The following AP1M2 variants were observed in gnomAD, a reference collection of about 807,000 sequenced individuals.
The protein encoded by AP1M2 is adaptor related protein complex 1 subunit mu 2.
A neutral mutation model predicts 54.6 loss-of-function variants in AP1M2; 41 were observed. The observed-to-expected ratio is 0.75, with a 90% CI of 0.59 to 0.97. The LOEUF (loss-of-function observed/expected upper bound fraction) is 0.97, where lower values mean the gene tolerates loss of function less well. Ranked by LOEUF, AP1M2 falls within the 50% of genes least tolerant of loss-of-function variation. The pLI is 0.00. For synonymous variants in AP1M2, 219 were observed against 215.9 expected (o/e 1.01, Z -0.13); for missense variants, 507 against 561.2 (o/e 0.90, Z 0.98).
At chr19:10,574,545 G>A in intron 10 of AP1M2, 53 bp from the exon 11 acceptor site, 2 of 1,466,892 alleles carry the variant, frequency 1.4e-6, no homozygotes, top group South Asian at 2.5e-5. Context: ...AGGAGGCCAG[G>A]GCCAGGGAGA....
chr19:10,577,422 C>G lies in AP1M2; in HGVS notation c.889-66G>C. ...CTCATCCTTCAAATATTTACCAAGC[C>G]CTTTTTTTTTTTTTTTTTTTTTTTT... On this transcript the variant is annotated intron_variant, in intron 8 of 11. Coordinates refer to ENST00000250244, the MANE Select transcript of AP1M2 (RefSeq NM_005498.5). 6.3e-6 allele frequency: 3 copies of G among 478,926 alleles called. No homozygotes were observed. In the South Asian group the frequency reaches 8.3e-5, roughly 13 times the overall value. The allele number at this position is 478,926 out of a possible 1,614,324, so 29.7% of individuals were successfully genotyped here. A position where few individuals can be genotyped will look rare whatever the true frequency, so the allele number is the denominator to read the frequency against.
In AP1M2 at chr19:10,584,058, G is replaced by T; in HGVS notation, c.55C>A (p.Arg19Ser). ...LDVKGKPLIS[R>S]NYKGDVAMSK... ...ATGGCCACATCGCCCTTGTAGTTGC[G>T]GCTGATCAATGGCTGAGGGTGGAAG... The change falls in exon 2 of 12, where the codon CGC becomes AGC. Residue 19 changes from arginine to serine, a missense_variant. Coordinates refer to ENST00000250244, the MANE Select transcript of AP1M2 (RefSeq NM_005498.5). The T allele has an allele frequency of 6.2e-7, 1 of 1,610,306 alleles. No homozygotes were observed. The highest frequency in any genetic ancestry group is 2.2e-5 in the East Asian group (1 of 44,824).
At chr19:10,586,327 C>T (rs2144774993) in intron 1 of AP1M2, among the ~76,000 whole-genome samples, 1 of 149,232 alleles carries the variant, frequency 6.7e-6, no homozygotes, top group East Asian at 2.0e-4. Flanking sequence ...TGGTGGCATG[C>T]ACCTGTAGTC....
intron 1 of AP1M2, 115 bp from the exon 2 acceptor site, chr19:10,584,185 T>G: frequency 7.5e-7 from 1 of 1,326,440 alleles, no homozygotes; most frequent in Non-Finnish European, 1.0e-6. Context: ...TGGGCAAGGC[T>G]CTGCCTCCTT....
intron 3 of AP1M2, among the ~76,000 whole-genome samples, chr19:10,582,385 A>G (rs1365485309): frequency 1.3e-5 from 2 of 151,874 alleles, no homozygotes; most frequent in Non-Finnish European, 2.9e-5. Context: ...TTTTAATAGG[A>G]GTTCGAGGCT....
Position 10,584,030 on chromosome 19 carries a change from C to T in AP1M2, c.83G>A (p.Ser28Asn), listed in dbSNP as rs1430101571. ...SRNYKGDVAM[S>N]KIEHFMPLLV... Reference sequence around the variant, plus strand: ...CAAAGGCATGAAGTGCTCAATCTTGCTCATGGCCACATCGCCCTTGTAGTT... The same window carrying T: ...CAAAGGCATGAAGTGCTCAATCTTGTTCATGGCCACATCGCCCTTGTAGTT... The change falls in exon 2 of 12, where the codon AGC (serine) becomes AAC (asparagine). Residue 28 changes from serine (S) to asparagine (N), a missense_variant. By Grantham distance (46) the Ser-to-Asn change is conservative. Coordinates refer to ENST00000250244, the MANE Select transcript of AP1M2 (RefSeq NM_005498.5). The T allele has an allele frequency of 1.2e-6, 2 of 1,610,856 alleles. No homozygotes were observed.
intron 10 of AP1M2, 136 bp downstream of exon 10, chr19:10,574,768 G>T: frequency 1.6e-6 from 2 of 1,233,866 alleles, no homozygotes; most frequent in Non-Finnish European, 2.2e-6. Context: ...AGGTAACATT[G>T]CTCTGGGAAA....
At chr19:10,573,210 G>C in intron 11 of AP1M2, 122 bp from the exon 12 acceptor site, 1 of 884,560 alleles carries the variant, frequency 1.1e-6, no homozygotes. Context: ...CTTGAGGTCA[G>C]GGGTTCGAGA....
chr19:10,581,908 A>G lies in AP1M2; in HGVS notation c.268-30T>C, dbSNP rs757752899. 2.6e-5 allele frequency: 41 copies of G among 1,554,180 alleles called. 2 individuals are homozygous for G. The South Asian group carries it at 3.9e-4, about 15-fold the overall frequency. On this transcript the variant is annotated intron_variant, in intron 3 of 11. Coordinates refer to ENST00000250244, the MANE Select transcript of AP1M2 (RefSeq NM_005498.5). ...GGGTTGGAGGAGAGAGAGACCCACA[A>G]AAGTGTGGCTATGGGTTGGGCATAG...
chr19:10,577,140 C>A, intron 9 of AP1M2, 58 bp downstream of exon 9: 1 of 1,548,296 alleles, frequency 6.5e-7, no homozygotes, highest in Non-Finnish European at 8.8e-7. Context: ...CCTGGGCAGC[C>A]CCCACACTAC....
At chr19:10,575,318 C>T (rs1917196557) in intron 9 of AP1M2, among the ~76,000 whole-genome samples, 1 of 152,090 alleles carries the variant, frequency 6.6e-6, no homozygotes, top group South Asian at 2.1e-4. Flanking sequence ...CACCACTGCA[C>T]CCCAACCTGG....
chr19:10,584,529 G>A (rs1234887265), intron 1 of AP1M2, among the ~76,000 whole-genome samples: 9 of 151,896 alleles, frequency 5.9e-5, no homozygotes, highest in African/African-American at 9.7e-5. Context: ...GCAGTGAGCC[G>A]AGATCGTGCC....
intron 9 of AP1M2, among the ~76,000 whole-genome samples, chr19:10,576,706 CTTTT>C (rs751510668): frequency 7.3e-6 from 1 of 136,392 alleles, no homozygotes; most frequent in African/African-American, 2.7e-5. Flanking sequence ...GCCTTTTAAT[CTTTT>C]TTTTTTTTTT....
At chr19:10,578,152 G>A (rs1431561682) in intron 8 of AP1M2, among the ~76,000 whole-genome samples, 1 of 152,196 alleles carries the variant, frequency 6.6e-6, no homozygotes, top group Non-Finnish European at 1.5e-5. Flanking sequence ...GTTGTTGGCT[G>A]TGTATCTGCA....
intron 3 of AP1M2, 174 bp downstream of exon 3, chr19:10,583,432 C>T: frequency 2.0e-6 from 1 of 490,978 alleles, no homozygotes; most frequent in Non-Finnish European, 3.7e-6. Flanking sequence ...TCCAGAAGTT[C>T]TAGACCAGCC....
rs560885971 is a variant in AP1M2, at chr19:10,583,598, G to A, written c.267+8C>T. ...AGACCAGTTAGCCAATGGGAGGCTAGTACCTACCTCTATTGTCTTATACAG... is the reference window on the plus strand; with the variant it reads ...AGACCAGTTAGCCAATGGGAGGCTAATACCTACCTCTATTGTCTTATACAG... On this transcript the variant is annotated splice_region_variant and intron_variant, in intron 3 of 11. Coordinates refer to ENST00000250244, the MANE Select transcript of AP1M2 (RefSeq NM_005498.5). The A allele has an allele frequency of 1.8e-5, 29 of 1,602,090 alleles. No individual in the cohort carries two copies. In the Admixed American group the frequency reaches 2.9e-4, roughly 16 times the overall value.
At position 10,575,005 on chromosome 19, in the gene AP1M2, C is replaced by T; in HGVS notation, c.1072G>A (p.Ala358Thr). 1 of 1,541,498 alleles carries T rather than the reference C, an allele frequency of 6.5e-7. No homozygotes were observed. Among genetic ancestry groups the T allele is most frequent in the South Asian group, 1.2e-5 (1 of 81,820 alleles). The stretch of plus-strand genomic sequence containing the variant: ...TCCACACTGGGGAGGCCAAAGTGGG[C>T]TCGCATCAAGTACTCCTTGCCCCCC... ...FPGGKEYLMR[A>T]HFGLPSVEKE... Residue 358 changes from alanine (A) to threonine (T), a missense_variant, in exon 10 of 12, where the codon GCC becomes ACC. Transcript: ENST00000250244.
At chr19:10,585,276 G>GAAAGA (rs1423063893) in intron 1 of AP1M2, among the ~76,000 whole-genome samples, 2 of 77,354 alleles carry the variant, frequency 2.6e-5, no homozygotes, top group Admixed American at 1.3e-4. Flanking sequence ...AAGAAAGAAA[G>GAAAGA]AAGAAAAAAA....
chr19:10,581,212 G>A (rs1038640004), intron 6 of AP1M2, 54 bp downstream of exon 6: 63 of 1,553,416 alleles, frequency 4.1e-5, no homozygotes, highest in African/African-American at 5.5e-5. Context: ...CACGTGGGGC[G>A]GGTTTGCGAC....
Sources: gnomAD v4.1 joint callset for allele counts (sites outside exome capture counted in the v4.1 genomes callset) on GRCh38, gnomAD v4.1.1 for gene constraint, MANE v1.5 for transcripts, NCBI Gene and HGNC (gene_info 2026-07-23, HGNC 2026-07-21) for gene names.